The following HRH3 variants were observed in gnomAD, a reference collection of about 807,000 sequenced individuals.
HRH3 encodes histamine receptor H3.
Under a neutral mutation model 21.6 loss-of-function variants are expected in HRH3, and 13 were observed. That is an observed-to-expected ratio of 0.60 (90% CI 0.39 to 0.96). The LOEUF is 0.96. Among genes scored for constraint, HRH3 ranks in the 40% least tolerant of loss-of-function variants. The pLI is 0.00. For missense variants in HRH3, 461 were observed against 622.7 expected (o/e 0.74, Z 2.76); for synonymous variants, 276 against 290.3 (o/e 0.95, Z 0.50).
Position 62,218,770 on chromosome 20 carries a change from C to T in HRH3, c.251-113G>A. On this transcript the variant is annotated intron_variant, in intron 1 of 2. Coordinates refer to ENST00000340177, the MANE Select transcript of HRH3 (RefSeq NM_007232.3). This position sits in a 1 kb window ranked among gnomAD's most constrained non-coding sequence, Gnocchi z 5.6. ...TCACATGGTGGCTGCTTTTCTGGAA[C>T]TAGCCATCCTCATCTTACCACCCCT... 1 of 1,010,332 alleles carries T rather than the reference C, an allele frequency of 9.9e-7. No homozygotes were observed. Among genetic ancestry groups the T allele is most frequent in the Non-Finnish European group, 1.4e-6 (1 of 696,752 alleles). 62.6% of individuals were successfully genotyped at this position (1,010,332 alleles called of 1,614,324 possible). A position where few individuals can be genotyped will look rare whatever the true frequency, so the allele number is the denominator to read the frequency against.
Position 62,216,304 on chromosome 20 carries a change from C to T in HRH3, c.1040G>A (p.Arg347His). The T allele has an allele frequency of 7.4e-6, 12 of 1,611,226 alleles. No individual in the cohort carries two copies. Among genetic ancestry groups the T allele is most frequent in the African/African-American group, 1.3e-5 (1 of 75,036 alleles). Reference protein sequence around the residue: ...MKMVSQSFTQRFRLSRDRKVA... With the variant: ...MKMVSQSFTQHFRLSRDRKVA... Reference sequence around the variant, plus strand: ...TTTCCTGTCCCGAGACAGCCGAAAGCGCTGGGTGAAGCTCTGGGACACCAT... The same window carrying T: ...TTTCCTGTCCCGAGACAGCCGAAAGTGCTGGGTGAAGCTCTGGGACACCAT... The change falls in exon 3 of 3, where the codon CGC becomes CAC. Residue 347 changes from arginine (R) to histidine (H), a missense_variant. Around this residue, in one of 6 missense-constraint regions of HRH3, gnomAD observed 102 missense variants for 166.6 expected, o/e 0.61. Coordinates refer to ENST00000340177, the MANE Select transcript of HRH3 (RefSeq NM_007232.3).
At position 62,218,418 on chromosome 20, in the gene HRH3, C is replaced by T; in HGVS notation, c.417+73G>A. 2 of 1,522,878 alleles carry T rather than the reference C, an allele frequency of 1.3e-6. No individual in the cohort carries two copies. The highest frequency in any genetic ancestry group is 1.8e-6 in the Non-Finnish European group (2 of 1,129,200). The allele number at this position is 1,522,878 out of a possible 1,614,324, so 94.3% of individuals were successfully genotyped here. The stretch of plus-strand genomic sequence containing the variant: ...CCCACAACTCAGAAGTGGCCGTCCC[C>T]ACCCAGGTGCCTCCCATGGGCGTCC... On this transcript the variant is annotated intron_variant, in intron 2 of 2. Transcript: ENST00000340177. The surrounding 1 kb of genome is among the most constrained non-coding windows in gnomAD (Gnocchi z 5.6).
At position 62,216,028 on chromosome 20, in the gene HRH3, G is replaced by T. The variant is rs374913275; in HGVS notation, c.1316C>A (p.Ser439Tyr). The change falls in exon 3 of 3, where the codon TCC becomes TAC. Residue 439 changes from serine (S) to tyrosine (Y), a missense_variant. Physicochemically the swap from Ser to Tyr is moderately radical, Grantham distance 144. Transcript: ENST00000340177. ...CACTCACTTCCAGCAGTGCTCCAGG[G>T]AGCTGTGGGGCTGGATTTTGAGCTT... is the stretch of plus-strand genomic sequence containing the variant. ...PQKLKIQPHS[S>Y]LEHCWK 6.3e-6 allele frequency: 10 copies of T among 1,584,996 alleles called. No homozygotes were observed. Among genetic ancestry groups the T allele is most frequent in the African/African-American group, 2.7e-5 (2 of 74,674 alleles).
Position 62,215,222 on chromosome 20 carries a change from T to C in HRH3, c.*784A>G, listed in dbSNP as rs968740744. On this transcript the variant is annotated 3_prime_UTR_variant, in exon 3 of 3. Transcript: ENST00000340177. The stretch of plus-strand genomic sequence containing the variant: ...GGGCAGGCTTGGCCACCAGGGCTGG[T>C]GTGAGCCCAGAGGCGGGGTGGGCAG... 4.8e-6 allele frequency: 2 copies of C among 415,722 alleles called. No individual in the cohort carries two copies. Among genetic ancestry groups the C allele is most frequent in the African/African-American group, 4.1e-5 (2 of 49,210 alleles). 25.8% of individuals were successfully genotyped at this position (415,722 alleles called of 1,614,324 possible).
Position 62,216,662 on chromosome 20 carries a change from G to A in HRH3, c.682C>T (p.Arg228Cys), listed in dbSNP as rs746260159. ...GCCCCATCCAGCCGGAGGCGGGTGC[G>A]CCTCTGGATGTTCAGGTAGATGCTG... ...NLSIYLNIQR[R>C]TRLRLDGARE... The change falls in exon 3 of 3, where the codon CGC (arginine) becomes TGC (cysteine). Residue 228 changes from arginine to cysteine, a missense_variant. Physicochemically the swap from Arg to Cys is radical, Grantham distance 180 (BLOSUM62 -3). Transcript: ENST00000340177. The A allele has an allele frequency of 4.3e-6, 7 of 1,612,662 alleles. No individual in the cohort carries two copies. Among genetic ancestry groups the A allele is most frequent in the African/African-American group, 1.3e-5 (1 of 74,922 alleles).
chr20:62,217,095 C>A (rs1169837439), intron 2 of HRH3, among the ~76,000 whole-genome samples, 169 bp from the exon 3 acceptor site: 1 of 152,168 alleles, frequency 6.6e-6, no homozygotes, highest in Non-Finnish European at 1.5e-5. Context: ...TAACCCTCCC[C>A]ACTGGGGTCC....
rs1241322216 is a variant in HRH3, at chr20:62,215,396, T to C, written c.*610A>G. 23 of 456,898 alleles carry C rather than the reference T, an allele frequency of 5.0e-5. No individual in the cohort carries two copies. In the Admixed American group the frequency reaches 5.4e-4, roughly 11 times the overall value. 28.3% of individuals were successfully genotyped at this position (456,898 alleles called of 1,614,324 possible). ...CATCAAGTTCACAGACATGTTTTCT[T>C]CTTCATCTTTCTGAAAACACCCAGA... is the stretch of plus-strand genomic sequence containing the variant. On this transcript the variant is annotated 3_prime_UTR_variant, in exon 3 of 3. Coordinates refer to ENST00000340177, the MANE Select transcript of HRH3 (RefSeq NM_007232.3).
chr20:62,219,779 G>A lies in HRH3; in HGVS notation c.192C>T (p.Ser64=), dbSNP rs768897888. 37 of 1,605,900 alleles carry A rather than the reference G, an allele frequency of 2.3e-5. No individual in the cohort carries two copies. The African/African-American group carries it at 4.4e-4, about 19-fold the overall frequency. ...GGAAGAAGTTGTTCTGGGTGCGGAG[G>A]CTCGAGTCGGCCACGAAGGCGAGCA... The part of the protein sequence containing the change: ...LVMLAFVADS[S]LRTQNNFFLL... The change falls in exon 1 of 3, where the codon AGC becomes AGT. Residue 64 remains serine (S), a synonymous_variant. Coordinates refer to ENST00000340177, the MANE Select transcript of HRH3 (RefSeq NM_007232.3). This position sits in a 1 kb window ranked among gnomAD's most constrained non-coding sequence, Gnocchi z 8.7.
rs778698005 is a variant in HRH3, at chr20:62,216,532, G to A, written c.812C>T (p.Pro271Leu). The A allele has an allele frequency of 1.6e-5, 25 of 1,600,512 alleles. 1 individual carries two copies. Among genetic ancestry groups the A allele is most frequent in the South Asian group, 1.2e-4 (11 of 89,826 alleles). Residue 271 changes from proline (P) to leucine (L), a missense_variant, in exon 3 of 3, where the codon CCG becomes CTG. This residue lies in a region of HRH3 where 163 missense variants were observed against 139.4 expected (regional missense o/e 1.17). Coordinates refer to ENST00000340177, the MANE Select transcript of HRH3 (RefSeq NM_007232.3). ...CTCACCCACCCCATACCTGTGCAGC[G>A]GCATGGCCTCCCCGTGCCCCTTCTG... The part of the protein sequence containing the change: ...CWQKGHGEAM[P>L]LHRYGVGEAA...
At position 62,216,546 on chromosome 20, in the gene HRH3, G is replaced by A. The variant is rs185957986; in HGVS notation, c.798C>T (p.His266=). The change falls in exon 3 of 3, where the codon CAC becomes CAT. Residue 266 remains histidine (H), a synonymous_variant. Coordinates refer to ENST00000340177, the MANE Select transcript of HRH3 (RefSeq NM_007232.3). ...PGCWGCWQKG[H]GEAMPLHRYG... ...ACCTGTGCAGCGGCATGGCCTCCCCGTGCCCCTTCTGCCAGCAGCCCCAGC... is the reference window on the plus strand; with the variant it reads ...ACCTGTGCAGCGGCATGGCCTCCCCATGCCCCTTCTGCCAGCAGCCCCAGC... 5.2e-4 allele frequency: 839 copies of A among 1,603,036 alleles called. 1 individual carries two copies. Among genetic ancestry groups the A allele is most frequent in the Middle Eastern group, 5.1e-4 (3 of 5,908 alleles).
rs780122472 is a variant in HRH3, at chr20:62,219,764, G to A, written c.207C>T (p.Asn69=). Residue 69 remains asparagine (N), a synonymous_variant, in exon 1 of 3, where the codon AAC becomes AAT. Coordinates refer to ENST00000340177, the MANE Select transcript of HRH3 (RefSeq NM_007232.3). The surrounding 1 kb of genome is among the most constrained non-coding windows in gnomAD (Gnocchi z 8.7). ...TGGCGAGGTTGAGCAGGAAGAAGTT[G>A]TTCTGGGTGCGGAGGCTCGAGTCGG... ...FVADSSLRTQ[N]NFFLLNLAIS... is the part of the protein sequence containing the mutation. 1 of 1,605,794 alleles carries A rather than the reference G, an allele frequency of 6.2e-7. No individual in the cohort carries two copies. The highest frequency in any genetic ancestry group is 1.3e-5 in the African/African-American group (1 of 74,410).
rs147913189 is a variant in HRH3, at chr20:62,219,857, G to A, written c.114C>T (p.Ala38=). 1.1e-5 allele frequency: 17 copies of A among 1,548,690 alleles called. No homozygotes were observed. In the African/African-American group the frequency reaches 2.1e-4, roughly 19 times the overall value. The part of the protein sequence containing the change: ...GFSAAWTAVL[A]ALMALLIVAT... ...CCACGATGAGCAGCGCCATGAGCGCGGCCAGCACCGCGGTCCAGGCTGCCG... is the reference window on the plus strand; with the variant it reads ...CCACGATGAGCAGCGCCATGAGCGCAGCCAGCACCGCGGTCCAGGCTGCCG... The change falls in exon 1 of 3, where the codon GCC becomes GCT. Residue 38 remains alanine, a synonymous_variant. Coordinates refer to ENST00000340177, the MANE Select transcript of HRH3 (RefSeq NM_007232.3). This position sits in a 1 kb window ranked among gnomAD's most constrained non-coding sequence, Gnocchi z 8.7.
In HRH3 at chr20:62,219,689, G is replaced by T; in HGVS notation, c.250+32C>A. The T allele has an allele frequency of 6.3e-7, 1 of 1,578,754 alleles. No homozygotes were observed. The highest frequency in any genetic ancestry group is 1.1e-5 in the South Asian group (1 of 87,586). ...TGGCCCGGCCACGCTGGGCGCCCCT[G>T]GGTCCCCAGCGGCCAGGGGCTGGGG... On this transcript the variant is annotated intron_variant, in intron 1 of 2. Coordinates refer to ENST00000340177, the MANE Select transcript of HRH3 (RefSeq NM_007232.3). This position sits in a 1 kb window ranked among gnomAD's most constrained non-coding sequence, Gnocchi z 8.7.
At position 62,216,288 on chromosome 20, in the gene HRH3, C is replaced by T. The variant is rs200831890; in HGVS notation, c.1056G>A (p.Arg352=). 28 of 1,611,654 alleles carry T rather than the reference C, an allele frequency of 1.7e-5. No individual in the cohort carries two copies. Among genetic ancestry groups the T allele is most frequent in the Non-Finnish European group, 4.2e-6 (5 of 1,179,264 alleles). The change falls in exon 3 of 3, where the codon CGG becomes CGA. Residue 352 remains arginine (R), a synonymous_variant. Transcript: ENST00000340177. ...QSFTQRFRLS[R]DRKVAKSLAV... ...CCAGCGACTTGGCCACTTTCCTGTCCCGAGACAGCCGAAAGCGCTGGGTGA... is the reference window on the plus strand; with the variant it reads ...CCAGCGACTTGGCCACTTTCCTGTCTCGAGACAGCCGAAAGCGCTGGGTGA...
chr20:62,220,035 G>A lies in HRH3; in HGVS notation c.-65C>T. 5 of 988,306 alleles carry A rather than the reference G, an allele frequency of 5.1e-6. No homozygotes were observed. Among genetic ancestry groups the A allele is most frequent in the Non-Finnish European group, 6.0e-6 (5 of 833,134 alleles). 61.2% of individuals were successfully genotyped at this position (988,306 alleles called of 1,614,324 possible). On this transcript the variant is annotated 5_prime_UTR_variant, in exon 1 of 3. Transcript: ENST00000340177. ...GCGCCGGCCGAGAGCTGGGCGGCCG[G>A]GAGGGGCCCCGGCCCGGGAGCCTCG... is the stretch of plus-strand genomic sequence containing the variant.
intron 2 of HRH3, among the ~76,000 whole-genome samples, chr20:62,217,301 C>G (rs1388405790): frequency 6.6e-6 from 1 of 152,236 alleles, no homozygotes; most frequent in Non-Finnish European, 1.5e-5. Flanking sequence ...ACAGCTGTTT[C>G]TGACATGATG....
chr20:62,217,762 T>G (rs1303947123), intron 2 of HRH3, among the ~76,000 whole-genome samples: 1 of 152,092 alleles, frequency 6.6e-6, no homozygotes, highest in Non-Finnish European at 1.5e-5. Flanking sequence ...GCTCGGCCGC[T>G]TTACCCTTCG....
chr20:62,217,274 C>A (rs1455947900), intron 2 of HRH3, among the ~76,000 whole-genome samples: 1 of 152,210 alleles, frequency 6.6e-6, no homozygotes, highest in African/African-American at 2.4e-5. Flanking sequence ...AGCATCAGCC[C>A]CAGACCACGT....
rs200092835 is a variant in HRH3 at position 62,215,080 on chromosome 20, C to G, written c.*926G>C. ...GGGTGCACAGCACATGGCGAAGCGG[C>G]CCCTGCCCGGGCACCTCCTCTGGAC... On this transcript the variant is annotated 3_prime_UTR_variant, in exon 3 of 3. Coordinates refer to ENST00000340177, the MANE Select transcript of HRH3 (RefSeq NM_007232.3). The G allele has an allele frequency of 9.1e-6, 3 of 330,464 alleles. No individual in the cohort carries two copies. The highest frequency in any genetic ancestry group is 2.5e-5 in the South Asian group (1 of 40,454). 20.5% of individuals were successfully genotyped at this position (330,464 alleles called of 1,614,324 possible). A position where few individuals can be genotyped will look rare whatever the true frequency, so the allele number is the denominator to read the frequency against.
Sources: allele counts gnomAD v4.1 joint callset (sites outside exome capture counted in the v4.1 genomes callset), GRCh38; gene constraint gnomAD v4.1.1; regional missense constraint gnomAD v4.1.1; non-coding constraint Gnocchi (gnomAD v3.1); transcripts MANE v1.5; gene names NCBI Gene and HGNC (gene_info 2026-07-23, HGNC 2026-07-21).